Variants in KCNG3 observed in about 807,000 individuals in gnomAD.
KCNG3 encodes voltage-gated potassium channel regulatory subunit KCNG3.
Under a neutral mutation model 29.0 loss-of-function variants are expected in KCNG3, and 15 were observed. That is an observed-to-expected ratio of 0.52 (90% confidence interval 0.35 to 0.80). The LOEUF (loss-of-function observed/expected upper bound fraction) is 0.80. Among genes scored for constraint, KCNG3 ranks in the 30% least tolerant of loss-of-function variants. KCNG3 has a pLI of 0.01. For missense variants in KCNG3, 512 were observed against 605.7 expected, an observed-to-expected ratio of 0.85 and a Z score of 1.62; for synonymous variants, 322 against 248.9, an observed-to-expected ratio of 1.29 and a Z score of -2.76.
intron 1 of KCNG3, among the ~76,000 whole-genome samples, chr2:42,484,508 G>GTA (rs141995827): frequency 0.014 from 2,157 of 152,230 alleles, 37 homozygotes; most frequent in African/African-American, 0.049. Context: ...CTGTATGTGT[G>GTA]TATATATATG....
intron 1 of KCNG3, among the ~76,000 whole-genome samples, chr2:42,456,624 T>C (rs777357835): frequency 6.6e-6 from 1 of 152,118 alleles, no homozygotes; most frequent in Non-Finnish European, 1.5e-5. Context: ...TTAAAAACAT[T>C]TTAAAAGAAA....
intron 1 of KCNG3, among the ~76,000 whole-genome samples, chr2:42,464,557 G>A (rs1051693737): frequency 1.3e-5 from 2 of 152,184 alleles, no homozygotes; most frequent in Non-Finnish European, 2.9e-5. Context: ...ACAGATAACA[G>A]CTAAAATGCA....
chr2:42,484,533 T>A lies in KCNG3; in HGVS notation c.665+8304A>T, dbSNP rs147009672. Among the ~76,000 whole-genome samples the A allele has an allele frequency of 1.3e-4, 20 of 152,326 alleles. No individual in the cohort carries two copies. In the East Asian group the frequency reaches 3.7e-3, roughly 28 times the overall value. ...GTATATATATGTAATTGTATACACT[T>A]GCATGTATGTGTTTGTGTGTGTGTG... On this transcript the variant is annotated intron_variant, in intron 1 of 1. Transcript: ENST00000306078.
At chr2:42,489,808 C>T (rs983647304) in intron 1 of KCNG3, among the ~76,000 whole-genome samples, 3 of 152,234 alleles carry the variant, frequency 2.0e-5, no homozygotes, top group Non-Finnish European at 4.4e-5. Flanking sequence ...TCATCAGTCC[C>T]TGATGCCTGT....
the KCNG3 span, among the ~76,000 whole-genome samples, chr2:42,402,071 A>G: frequency 6.6e-6 from 1 of 152,188 alleles, no homozygotes; most frequent in African/African-American, 2.4e-5. Flanking sequence ...AGTAAAGATC[A>G]TCCTCATTCA....
intron 1 of KCNG3, among the ~76,000 whole-genome samples, chr2:42,453,024 T>G (rs1169579480): frequency 6.6e-6 from 1 of 152,200 alleles, no homozygotes; most frequent in Non-Finnish European, 1.5e-5. Context: ...TCAGGCAATC[T>G]GCCTGCCTCA....
At chr2:42,454,971 T>C (rs1419362081) in intron 1 of KCNG3, among the ~76,000 whole-genome samples, 3 of 152,198 alleles carry the variant, frequency 2.0e-5, no homozygotes, top group East Asian at 3.8e-4. Context: ...ATCTGTTTCA[T>C]AACAATATGA....
the KCNG3 span, among the ~76,000 whole-genome samples, chr2:42,401,169 T>A: frequency 6.7e-6 from 1 of 149,686 alleles, no homozygotes; most frequent in African/African-American, 2.4e-5. Flanking sequence ...TCCTCTGGTG[T>A]ATACATGTTT....
the KCNG3 span, among the ~76,000 whole-genome samples, chr2:42,427,031 C>G: frequency 0.017 from 2,602 of 152,264 alleles, 66 homozygotes; most frequent in African/African-American, 0.055. Flanking sequence ...GAACTCTTCT[C>G]AAAGTTCTTA....
chr2:42,442,868 T>G lies in KCNG3; in HGVS notation c.*1066A>C, dbSNP rs959887195. The G allele has an allele frequency of 4.6e-5, 7 of 152,196 alleles. No homozygotes were observed. The highest frequency in any genetic ancestry group is 1.4e-4 in the African/African-American group (6 of 41,460). The allele number at this position is 152,196 out of a possible 1,614,324, so 9.4% of individuals were successfully genotyped here. ...AATAGTTAAAGATCAGATCAAATCA[T>G]TATGTATCCATCGCTTTTACTGGCT... On this transcript the variant is annotated 3_prime_UTR_variant, in exon 2 of 2. Transcript: ENST00000306078.
chr2:42,412,972 C>G, the KCNG3 span, among the ~76,000 whole-genome samples: 1 of 152,082 alleles, frequency 6.6e-6, no homozygotes, highest in South Asian at 2.1e-4. Context: ...AAGTCTCACT[C>G]TGTCACCCAT....
At chr2:42,428,496 C>G in the KCNG3 span, among the ~76,000 whole-genome samples, 1 of 147,614 alleles carries the variant, frequency 6.8e-6, no homozygotes, top group East Asian at 2.0e-4. Context: ...AAAAGTTTGA[C>G]AATTACTGCA....
chr2:42,493,928 T>A lies in KCNG3; in HGVS notation c.-427A>T. ...ATAGCTCCCCGTCTCCGGCGCTCCC[T>A]GCGGCCGCGAATCCGGCGGCCGCCC... is the stretch of plus-strand genomic sequence containing the variant. On this transcript the variant is annotated 5_prime_UTR_variant, in exon 1 of 2. Transcript: ENST00000306078. 6.4e-6 allele frequency: 1 copy of A among 155,096 alleles called. No homozygotes were observed. The highest frequency in any genetic ancestry group is 1.4e-5 in the Non-Finnish European group (1 of 70,276). 9.6% of individuals were successfully genotyped at this position (155,096 alleles called of 1,614,324 possible).
At chr2:42,425,185 A>G in the KCNG3 span, 3 of 151,834 alleles carry the variant, frequency 2.0e-5, no homozygotes, top group African/African-American at 7.3e-5. Context: ...TGTCAACGCA[A>G]GAATATCAAA....
intron 1 of KCNG3, among the ~76,000 whole-genome samples, chr2:42,483,465 C>A (rs1673641992): frequency 1.3e-5 from 2 of 152,176 alleles, no homozygotes; most frequent in Admixed American, 1.3e-4. Flanking sequence ...TAGTATCAAA[C>A]TAAGCATTTC....
rs778585548 is a variant in KCNG3 at position 42,492,903 on chromosome 2, G to A, written c.599C>T (p.Ala200Val). 1 of 1,570,072 alleles carries A rather than the reference G, an allele frequency of 6.4e-7. No homozygotes were observed. The highest frequency in any genetic ancestry group is 8.6e-7 in the Non-Finnish European group (1 of 1,163,146). The change falls in exon 1 of 2, where the codon GCC (alanine) becomes GTC (valine). Residue 200 changes from alanine (A) to valine (V), a missense_variant. Coordinates refer to ENST00000306078, the MANE Select transcript of KCNG3 (RefSeq NM_133329.6). ...GTCATCCAGGCTGCGGTTGTCGGCGGCTGCGTTGCGCCAGTCGGGCAACGT... is the reference window on the plus strand; with the variant it reads ...GTCATCCAGGCTGCGGTTGTCGGCGACTGCGTTGCGCCAGTCGGGCAACGT... Reference protein sequence around the residue: ...ASTLPDWRNAAADNRSLDDRS... With the variant: ...ASTLPDWRNAVADNRSLDDRS...
At chr2:42,406,075 CAT>C in the KCNG3 span, among the ~76,000 whole-genome samples, 5 of 152,188 alleles carry the variant, frequency 3.3e-5, no homozygotes, top group African/African-American at 7.2e-5. Context: ...CACTAAATGA[CAT>C]GTTTTCAATA....
chr2:42,393,711 T>C, the KCNG3 span, among the ~76,000 whole-genome samples: 2 of 152,078 alleles, frequency 1.3e-5, no homozygotes, highest in African/African-American at 2.4e-5. Flanking sequence ...AGTCATTGCA[T>C]CCAAATTGCA....
At chr2:42,477,384 T>TAC (rs1210187032) in intron 1 of KCNG3, among the ~76,000 whole-genome samples, 4,869 of 101,758 alleles carry the variant, frequency 0.048, 177 homozygotes, top group Non-Finnish European at 0.063. Context: ...CACACACATA[T>TAC]ATATACACAC....
Sources: gnomAD v4.1 joint callset for allele counts (sites outside exome capture counted in the v4.1 genomes callset) on GRCh38, gnomAD v4.1.1 for gene constraint, MANE v1.5 for transcripts, NCBI Gene and HGNC (gene_info 2026-07-23, HGNC 2026-07-21) for gene names.